TIPIN: variants seen among roughly 807,000 people sequenced by gnomAD.
TIPIN encodes the protein TIMELESS-interacting protein.
A neutral mutation model predicts 35.6 loss-of-function variants in TIPIN; 29 were observed. That is an observed-to-expected ratio of 0.82 (90% CI 0.61 to 1.11). The LOEUF (loss-of-function observed/expected upper bound fraction) is 1.11. TIPIN is among the 50% of genes most tolerant of loss of function. The probability of loss-of-function intolerance (pLI) is 0.00; values close to 1 mark genes in which losing one functional copy is unlikely to be tolerated. For missense variants in TIPIN, 296 were observed against 345.4 expected, an observed-to-expected ratio of 0.86 and a Z score of 1.13; for synonymous variants, 102 against 121.5, an observed-to-expected ratio of 0.84 and a Z score of 1.06.
At chr15:66,376,786 T>TA (rs2093298462) in intron 1 of TIPIN, among the ~76,000 whole-genome samples, 1 of 151,298 alleles carries the variant, frequency 6.6e-6, no homozygotes, top group Admixed American at 6.6e-5. Flanking sequence ...ATTGGGACTT[T>TA]AAACAGTTAT....
At chr15:66,378,307 TTG>T (rs1221963559) in intron 1 of TIPIN, among the ~76,000 whole-genome samples, 4 of 152,120 alleles carry the variant, frequency 2.6e-5, no homozygotes, top group African/African-American at 7.2e-5. Context: ...GGCCAAATTT[TTG>T]TATTTTTAGT....
chr15:66,341,048 C>G (rs1044116209), intron 7 of TIPIN, 102 bp downstream of exon 7: 2 of 1,020,618 alleles, frequency 2.0e-6, no homozygotes, highest in African/African-American at 3.2e-5. Flanking sequence ...CACTTTTCCA[C>G]TCCTAGAAGT....
At chr15:66,362,207 G>A (rs988261949) in intron 1 of TIPIN, among the ~76,000 whole-genome samples, 1 of 151,840 alleles carries the variant, frequency 6.6e-6, no homozygotes, top group Non-Finnish European at 1.5e-5. Context: ...GGAGGCTGAG[G>A]CAGGAGAATC....
chr15:66,379,938 G>A, intron 1 of TIPIN: 6 of 1,162,906 alleles, frequency 5.2e-6, no homozygotes, highest in Non-Finnish European at 7.3e-6. Context: ...CACGGCAAAG[G>A]ACCTGGAATT....
chr15:66,375,120 A>G (rs1769697667), intron 1 of TIPIN, among the ~76,000 whole-genome samples: 1 of 151,934 alleles, frequency 6.6e-6, no homozygotes, highest in Non-Finnish European at 1.5e-5. Context: ...TTTTGGATAT[A>G]TGCATTATAT....
intron 1 of TIPIN, among the ~76,000 whole-genome samples, chr15:66,380,759 G>A (rs2093316047): frequency 6.6e-6 from 1 of 152,038 alleles, no homozygotes; most frequent in Non-Finnish European, 1.5e-5. Flanking sequence ...AGGTTGCAGT[G>A]AGCCCCAATT....
chr15:66,350,263 T>C (rs950004992), intron 4 of TIPIN, among the ~76,000 whole-genome samples: 4 of 151,758 alleles, frequency 2.6e-5, no homozygotes, highest in Non-Finnish European at 5.9e-5. Context: ...GCACCCCGCC[T>C]GGATACAGAT....
chr15:66,345,197 G>A (rs965039574), intron 6 of TIPIN, among the ~76,000 whole-genome samples: 12 of 152,078 alleles, frequency 7.9e-5, no homozygotes, highest in Non-Finnish European at 1.0e-4. Context: ...ACAGTCATGC[G>A]GACTTGAGGG....
rs537889552 is a variant in TIPIN, at chr15:66,361,864, G to A, written c.-8-8909C>T. Among the ~76,000 whole-genome samples, 85 of 152,022 alleles carry A rather than the reference G, an allele frequency of 5.6e-4. 1 individual carries two copies. The South Asian group carries it at 9.3e-3, about 17-fold the overall frequency. On this transcript the variant is annotated intron_variant, in intron 1 of 7. Transcript: ENST00000562124. ...CTCTACTGAAAATACAAGTTAGCTG[G>A]GTGTGGTGGTGCATGCCTGTAGGAG...
At chr15:66,354,645 C>A (rs1437754381) in intron 1 of TIPIN, among the ~76,000 whole-genome samples, 1 of 152,174 alleles carries the variant, frequency 6.6e-6, no homozygotes, top group Non-Finnish European at 1.5e-5. Flanking sequence ...CCTCTTACTA[C>A]CTCACCAGTC....
intron 1 of TIPIN, chr15:66,382,928 A>G: frequency 2.0e-6 from 2 of 985,404 alleles, no homozygotes; most frequent in Non-Finnish European, 2.4e-6. Context: ...GACAGAACCG[A>G]TGGATCACTG....
intron 1 of TIPIN, among the ~76,000 whole-genome samples, chr15:66,369,623 C>G (rs889158377): frequency 1.3e-5 from 2 of 152,224 alleles, no homozygotes; most frequent in Non-Finnish European, 2.9e-5. Flanking sequence ...GCTGGGATTA[C>G]AGGCGTGAGC....
At chr15:66,383,694 A>G (rs1181469292) in intron 1 of TIPIN, 1 of 619,702 alleles carries the variant, frequency 1.6e-6, no homozygotes, top group Non-Finnish European at 2.0e-6. Context: ...ATTAAAAAGT[A>G]TGGGGGAAAG....
At chr15:66,376,652 C>T (rs995920141) in intron 1 of TIPIN, among the ~76,000 whole-genome samples, 3 of 151,624 alleles carry the variant, frequency 2.0e-5, no homozygotes, top group African/African-American at 7.3e-5. Context: ...CTGTCTTGAA[C>T]TCCTGACCTC....
intron 6 of TIPIN, among the ~76,000 whole-genome samples, chr15:66,342,928 C>T (rs1363895029): frequency 2.0e-5 from 3 of 152,096 alleles, no homozygotes; most frequent in Non-Finnish European, 4.4e-5. Flanking sequence ...TTAAGAAAAA[C>T]TATGTTTTAC....
At chr15:66,375,903 T>C (rs965926913) in intron 1 of TIPIN, among the ~76,000 whole-genome samples, 6 of 150,974 alleles carry the variant, frequency 4.0e-5, no homozygotes, top group Non-Finnish European at 8.9e-5. Context: ...GAGTTCAAGA[T>C]CAACCTAGGC....
chr15:66,382,892 C>T (rs1280078690), intron 1 of TIPIN: 6 of 950,992 alleles, frequency 6.3e-6, no homozygotes, highest in Non-Finnish European at 6.3e-6. Flanking sequence ...ATGGTCAGCA[C>T]TTATGTTAGG....
At chr15:66,383,686 T>A in intron 1 of TIPIN, 1 of 671,614 alleles carries the variant, frequency 1.5e-6, no homozygotes, top group Non-Finnish European at 1.8e-6. Context: ...GCCTCTATAT[T>A]AAAAAGTATG....
intron 1 of TIPIN, 147 bp from the exon 2 acceptor site, chr15:66,353,102 T>C: frequency 1.4e-6 from 1 of 726,180 alleles, no homozygotes; most frequent in Non-Finnish European, 2.0e-6. Flanking sequence ...AGATACTAAT[T>C]ATGAAAAAAA....
Sources: allele counts gnomAD v4.1 joint callset (sites outside exome capture counted in the v4.1 genomes callset), GRCh38; gene constraint gnomAD v4.1.1; transcripts MANE v1.5; gene names NCBI Gene and HGNC (gene_info 2026-07-23, HGNC 2026-07-21).